AHCYL2: variants seen among roughly 807,000 people sequenced by gnomAD.
AHCYL2 encodes the protein adenosylhomocysteinase like 2.
A neutral mutation model predicts 81.4 loss-of-function variants in AHCYL2; 28 were observed. That is an observed-to-expected ratio of 0.34 (90% confidence interval 0.25 to 0.47). AHCYL2 has a LOEUF of 0.47. Ranked by LOEUF, AHCYL2 falls within the 20% of genes least tolerant of loss-of-function variation. The pLI is 1.00. For synonymous variants in AHCYL2, 272 were observed against 290.2 expected (o/e 0.94, Z 0.64); for missense variants, 551 against 785.1 (o/e 0.70, Z 3.56).
chr7:129,352,468 C>T (rs1348804507), intron 1 of AHCYL2, among the ~76,000 whole-genome samples: 2 of 152,162 alleles, frequency 1.3e-5, no homozygotes, highest in Admixed American at 1.3e-4. Context: ...GTTTCATATT[C>T]TAAATTTAAC....
At chr7:129,392,326 C>G (rs1795508469) in intron 4 of AHCYL2, among the ~76,000 whole-genome samples, 1 of 152,298 alleles carries the variant, frequency 6.6e-6, no homozygotes, top group South Asian at 2.1e-4. Flanking sequence ...GTTCACAGTT[C>G]TGGAGGCTAG....
At chr7:129,290,837 G>A (rs1303117088) in intron 1 of AHCYL2, among the ~76,000 whole-genome samples, 3 of 151,678 alleles carry the variant, frequency 2.0e-5, no homozygotes, top group African/African-American at 7.3e-5. Context: ...GGCTGAGGCA[G>A]GAGAATCGCT....
chr7:129,283,303 A>G (rs1453129587), intron 1 of AHCYL2: 1 of 453,990 alleles, frequency 2.2e-6, no homozygotes, highest in Non-Finnish European at 4.4e-6. Flanking sequence ...CATTCACAGA[A>G]CTTACTTCAC....
chr7:129,298,461 G>A (rs894765730), intron 1 of AHCYL2, among the ~76,000 whole-genome samples: 3 of 152,146 alleles, frequency 2.0e-5, no homozygotes, highest in East Asian at 1.9e-4. Context: ...CCTGCTGGCC[G>A]CAATTCACTT....
At chr7:129,267,878 A>C (rs1795871659) in intron 1 of AHCYL2, among the ~76,000 whole-genome samples, 1 of 152,126 alleles carries the variant, frequency 6.6e-6, no homozygotes. Flanking sequence ...CTAGTCTTAT[A>C]TGATTGGGTA....
intron 1 of AHCYL2, among the ~76,000 whole-genome samples, chr7:129,330,794 A>G (rs1199853980): frequency 6.6e-6 from 1 of 152,158 alleles, no homozygotes; most frequent in Admixed American, 6.5e-5. Context: ...AAATTAATAA[A>G]CCACTTTTGT....
intron 1 of AHCYL2, among the ~76,000 whole-genome samples, chr7:129,248,517 T>C (rs1053095813): frequency 2.6e-5 from 4 of 152,150 alleles, no homozygotes; most frequent in African/African-American, 9.6e-5. Context: ...TTTCTTTTTT[T>C]TTTTTAAATA....
chr7:129,395,008 T>G (rs1795656655), intron 4 of AHCYL2, among the ~76,000 whole-genome samples: 1 of 152,226 alleles, frequency 6.6e-6, no homozygotes, highest in South Asian at 2.1e-4. Context: ...AGTGGGTTTT[T>G]TTTTTTACTT....
intron 1 of AHCYL2, among the ~76,000 whole-genome samples, chr7:129,251,642 C>T (rs1795254941): frequency 1.3e-5 from 2 of 152,080 alleles, no homozygotes; most frequent in East Asian, 1.9e-4. Context: ...TACAGGTGTG[C>T]GCCACTGTGC....
At chr7:129,256,833 G>GT (rs1795446469) in intron 1 of AHCYL2, among the ~76,000 whole-genome samples, 2 of 151,870 alleles carry the variant, frequency 1.3e-5, no homozygotes, top group East Asian at 3.9e-4. Flanking sequence ...TGCAATAGAG[G>GT]TTTTTACCAG....
chr7:129,344,143 G>T (rs1450473948), intron 1 of AHCYL2, among the ~76,000 whole-genome samples: 2 of 152,204 alleles, frequency 1.3e-5, no homozygotes, highest in African/African-American at 4.8e-5. Flanking sequence ...TGATGAGGGT[G>T]TGGGACAGTT....
chr7:129,385,079 G>A (rs1229440197), intron 2 of AHCYL2, among the ~76,000 whole-genome samples: 1 of 152,202 alleles, frequency 6.6e-6, no homozygotes, highest in African/African-American at 2.4e-5. Context: ...TTAAGGATGA[G>A]GAAAGAAGAC....
intron 1 of AHCYL2, among the ~76,000 whole-genome samples, chr7:129,269,540 A>G (rs1584725646): frequency 6.6e-6 from 1 of 151,918 alleles, no homozygotes. Context: ...ACCCACCTCA[A>G]CCTCTCAAAG....
intron 1 of AHCYL2, among the ~76,000 whole-genome samples, chr7:129,346,603 A>G (rs770594360): frequency 1.4e-4 from 22 of 152,246 alleles, no homozygotes; most frequent in Non-Finnish European, 2.5e-4. Flanking sequence ...ATCTATTAAA[A>G]TGCCAAAATT....
chr7:129,315,821 TAG>T (rs1403720328), intron 1 of AHCYL2, among the ~76,000 whole-genome samples: 8 of 152,128 alleles, frequency 5.3e-5, no homozygotes, highest in African/African-American at 1.9e-4. Flanking sequence ...GGGAATCCAG[TAG>T]AGAGGGGAGA....
intron 2 of AHCYL2, among the ~76,000 whole-genome samples, chr7:129,387,662 A>G (rs901887901): frequency 3.3e-5 from 5 of 152,152 alleles, no homozygotes; most frequent in African/African-American, 1.2e-4. Flanking sequence ...GGTATTTCTG[A>G]ATATTGATTA....
At chr7:129,267,230 GGTGTGTGTGTGTGTGTGTGTGTGT>G (rs769745702) in intron 1 of AHCYL2, among the ~76,000 whole-genome samples, 1 of 59,160 alleles carries the variant, frequency 1.7e-5, no homozygotes. Context: ...TCACTCAAGG[GGTGTGTGTGTGTGTGTGTGTGTGT>G]GTGTGTGTGT....
In AHCYL2 at chr7:129,424,950, T is replaced by C. The variant is rs767754218; in HGVS notation, c.1629+8T>C. On this transcript the variant is annotated splice_region_variant and intron_variant, in intron 14 of 16. Transcript: ENST00000325006. ...ATCACTGCTACTACTCAGGTAAGGCTTCCAGAGTGGGATAGCAGTAGTCTG... is the reference window on the plus strand; with the variant it reads ...ATCACTGCTACTACTCAGGTAAGGCCTCCAGAGTGGGATAGCAGTAGTCTG... The C allele has an allele frequency of 6.2e-7, 1 of 1,614,044 alleles. No individual in the cohort carries two copies. The highest frequency in any genetic ancestry group is 8.5e-7 in the Non-Finnish European group (1 of 1,179,994).
rs192396691 is a variant in AHCYL2 at position 129,283,275 on chromosome 7, C to T, written c.363+57836C>T. 736 of 439,198 alleles carry T rather than the reference C, an allele frequency of 1.7e-3. 3 individuals carry two copies. In the Middle Eastern group the frequency reaches 0.026, roughly 16 times the overall value. 27.2% of individuals were successfully genotyped at this position (439,198 alleles called of 1,614,324 possible). A position where few individuals can be genotyped will look rare whatever the true frequency, so the allele number is the denominator to read the frequency against. On this transcript the variant is annotated intron_variant, in intron 1 of 16. Coordinates refer to ENST00000325006, the MANE Select transcript of AHCYL2 (RefSeq NM_015328.4). ...TTAAACTGCACCTTGGAAATATTCT[C>T]AAGGCAGTAAGCAGAAGCATTCACA...
Sources: gnomAD v4.1 joint callset for allele counts (sites outside exome capture counted in the v4.1 genomes callset) on GRCh38, gnomAD v4.1.1 for gene constraint, MANE v1.5 for transcripts, NCBI Gene and HGNC (gene_info 2026-07-23, HGNC 2026-07-21) for gene names.